Variants in FAM107A observed in about 807,000 individuals in gnomAD.
The protein encoded by FAM107A is actin-associated protein FAM107A.
FAM107A carries 19 observed loss-of-function variants against 13.7 expected under a neutral mutation model. That is an observed-to-expected ratio of 1.38 (90% CI 0.97 to 2.03). FAM107A has a LOEUF of 2.03. FAM107A is among the 30% of genes most tolerant of loss of function. The probability of loss-of-function intolerance (pLI) is 0.00; values close to 1 mark genes in which losing one functional copy is unlikely to be tolerated. For synonymous variants in FAM107A, 82 were observed against 74.5 expected (o/e 1.10, Z -0.52); for missense variants, 203 against 184.4 (o/e 1.10, Z -0.58).
At chr3:58,615,886 C>T (rs534668576) in intron 1 of FAM107A, among the ~76,000 whole-genome samples, 54 of 126,028 alleles carry the variant, frequency 4.3e-4, no homozygotes, top group African/African-American at 1.6e-3. Flanking sequence ...GTGACAGAGC[C>T]AGACCCTGTC....
chr3:58,598,435 G>T (rs980765366), intron 1 of FAM107A, among the ~76,000 whole-genome samples: 1 of 152,138 alleles, frequency 6.6e-6, no homozygotes. Flanking sequence ...CAGCCCCTTA[G>T]GTCTCAGAGA....
chr3:58,582,007 CGTGTGTGTGTCTGTTTCTCT>C (rs1559479415), upstream of FAM107A, among the ~76,000 whole-genome samples: 31 of 151,976 alleles, frequency 2.0e-4, no homozygotes, highest in East Asian at 5.4e-3. Context: ...TGTGTGTGTG[CGTGTGTGTGTCTGTTTCTCT>C]GTGTGTGTGT....
chr3:58,599,290 T>G (rs2065733007), intron 1 of FAM107A, among the ~76,000 whole-genome samples: 1 of 152,214 alleles, frequency 6.6e-6, no homozygotes, highest in African/African-American at 2.4e-5. Context: ...CCCTTATGCT[T>G]GCTGCCTTTC....
intron 1 of FAM107A, among the ~76,000 whole-genome samples, chr3:58,621,439 C>A (rs143806223): frequency 2.7e-4 from 41 of 152,164 alleles, no homozygotes; most frequent in African/African-American, 9.2e-4. Flanking sequence ...AACAAGGGAC[C>A]CCACATTTTC....
intron 1 of FAM107A, among the ~76,000 whole-genome samples, chr3:58,594,974 C>T (rs1335955908): frequency 6.6e-6 from 1 of 152,120 alleles, no homozygotes; most frequent in Non-Finnish European, 1.5e-5. Flanking sequence ...TTTATTTGGA[C>T]CTTGTGTCTT....
intron 1 of FAM107A, among the ~76,000 whole-genome samples, chr3:58,612,381 A>G (rs539259200): frequency 3.3e-5 from 5 of 152,216 alleles, no homozygotes; most frequent in African/African-American, 9.6e-5. Context: ...GGAGTTGGAG[A>G]CGAGCCTAGG....
chr3:58,621,862 T>C (rs1196210800), intron 1 of FAM107A, among the ~76,000 whole-genome samples: 1 of 152,186 alleles, frequency 6.6e-6, no homozygotes, highest in Non-Finnish European at 1.5e-5. Flanking sequence ...TAGGCACAGC[T>C]CAGTGCAACA....
intron 1 of FAM107A, among the ~76,000 whole-genome samples, chr3:58,594,204 A>G (rs2065679751): frequency 6.6e-6 from 1 of 152,094 alleles, no homozygotes; most frequent in Non-Finnish European, 1.5e-5. Context: ...AAACGTAAAA[A>G]CATTAGCAGT....
intron 3 of FAM107A, 176 bp downstream of exon 3, chr3:58,567,032 C>T (rs554280897): frequency 5.3e-6 from 4 of 752,964 alleles, no homozygotes; most frequent in South Asian, 3.3e-5. Context: ...AGCCACTCGC[C>T]CTAAGGACCT....
chr3:58,606,995 G>A (rs1023572872), intron 1 of FAM107A: 3 of 152,298 alleles, frequency 2.0e-5, no homozygotes, highest in African/African-American at 7.2e-5. Flanking sequence ...TTAAGACACA[G>A]GATCCAGCCT....
chr3:58,595,690 C>T (rs1188348235), intron 1 of FAM107A, among the ~76,000 whole-genome samples: 2 of 145,838 alleles, frequency 1.4e-5, no homozygotes, highest in East Asian at 4.4e-4. Flanking sequence ...AATAAACAGC[C>T]TTGTTGCGTG....
intron 1 of FAM107A, among the ~76,000 whole-genome samples, chr3:58,607,320 G>A (rs1392251437): frequency 6.6e-6 from 1 of 152,136 alleles, no homozygotes; most frequent in African/African-American, 2.4e-5. Context: ...AACCTAGAGT[G>A]GAGTTTTCTC....
At chr3:58,587,146 GC>G, upstream of FAM107A, 1 of 1,345,216 alleles carries the variant, frequency 7.4e-7, no homozygotes, top group Non-Finnish European at 9.5e-7. Flanking sequence ...AGGTGTCCGC[GC>G]CCAGGTAGCA....
intron 1 of FAM107A, chr3:58,609,030 G>C (rs767027362): frequency 2.6e-5 from 4 of 152,174 alleles, no homozygotes; most frequent in Non-Finnish European, 5.9e-5. Context: ...CTCAGGAGTT[G>C]GGGGAGCTGG....
At chr3:58,595,191 AC>A (rs889960228) in intron 1 of FAM107A, among the ~76,000 whole-genome samples, 3 of 147,710 alleles carry the variant, frequency 2.0e-5, no homozygotes, top group Non-Finnish European at 3.0e-5. Context: ...TCTCCATACC[AC>A]CCCCAAAAAT....
At chr3:58,567,451 C>A in intron 2 of FAM107A, 87 bp from the exon 3 acceptor site, 2 of 1,400,138 alleles carry the variant, frequency 1.4e-6, no homozygotes, top group Non-Finnish European at 1.9e-6. Context: ...TGACACCAAC[C>A]CCCATTATTA....
Position 58,613,561 on chromosome 3 carries a change from C to T in FAM107A, c.-70+13855G>A, listed in dbSNP as rs979173226. 6.6e-6 allele frequency among the ~76,000 whole-genome samples: 1 copy of T among 152,218 alleles called. No homozygotes were observed. Among genetic ancestry groups the T allele is most frequent in the African/African-American group, 2.4e-5 (1 of 41,462 alleles). ...CCCTGAGTGCCAGCAAGGCCTCTCT[C>T]CTCTGGCCTTTGTGTAAGCAGATCT... On this transcript the variant is annotated intron_variant, in intron 1 of 3. Transcript: ENST00000465970. This position sits in a 1 kb window ranked among gnomAD's most constrained non-coding sequence, Gnocchi z 4.6.
chr3:58,591,334 T>G (rs1263772029), upstream of FAM107A, among the ~76,000 whole-genome samples: 1 of 151,644 alleles, frequency 6.6e-6, no homozygotes, highest in African/African-American at 2.4e-5. This position sits in a 1 kb window ranked among gnomAD's most constrained non-coding sequence, Gnocchi z 4.3. Flanking sequence ...AAGCTGGGAG[T>G]TAGCCAAGCA....
chr3:58,579,570 G>A (rs1037427626), upstream of FAM107A, among the ~76,000 whole-genome samples: 1 of 152,100 alleles, frequency 6.6e-6, no homozygotes, highest in Non-Finnish European at 1.5e-5. Flanking sequence ...GCTGACCCTG[G>A]TTCCTTGCAC....
Sources: gnomAD v4.1 joint callset for allele counts (sites outside exome capture counted in the v4.1 genomes callset) on GRCh38, gnomAD v4.1.1 for gene constraint, Gnocchi (gnomAD v3.1) non-coding constraint, MANE v1.5 for transcripts, NCBI Gene and HGNC (gene_info 2026-07-23, HGNC 2026-07-21) for gene names.